The following PAN3 variants were observed in gnomAD, a reference collection of about 807,000 sequenced individuals.
The protein encoded by PAN3 is poly(A) specific ribonuclease subunit PAN3.
A neutral mutation model predicts 96.2 loss-of-function variants in PAN3; 19 were observed. That is an observed-to-expected ratio of 0.20 (90% CI 0.14 to 0.29). The LOEUF is 0.29. Among genes scored for constraint, PAN3 ranks in the 10% least tolerant of loss-of-function variants. The pLI is 1.00. For synonymous variants in PAN3, 433 were observed against 406.6 expected (o/e 1.06, Z -0.78); for missense variants, 882 against 1,108.1 (o/e 0.80, Z 2.90).
At chr13:28,141,023 G>C (rs75513404) in intron 1 of PAN3, among the ~76,000 whole-genome samples, 1 of 40,932 alleles carries the variant, frequency 2.4e-5, no homozygotes, top group African/African-American at 1.6e-4. Flanking sequence ...TTTTTTTTTT[G>C]AGACGGAGGC....
intron 6 of PAN3, among the ~76,000 whole-genome samples, chr13:28,232,821 C>T (rs1288090655): frequency 3.3e-5 from 5 of 151,900 alleles, no homozygotes; most frequent in Non-Finnish European, 4.4e-5. Flanking sequence ...TAAAGACTCC[C>T]TTTTATTATG....
In PAN3 at chr13:28,262,776, C is replaced by T. The variant is rs542145482; in HGVS notation, c.1411+1318C>T. 2.6e-5 allele frequency among the ~76,000 whole-genome samples: 4 copies of T among 152,178 alleles called. No individual in the cohort carries two copies. In the South Asian group the frequency reaches 8.3e-4, roughly 32 times the overall value. On this transcript the variant is annotated intron_variant, in intron 9 of 18. Transcript: ENST00000380958. The stretch of plus-strand genomic sequence containing the variant: ...CAGTTGCATTTCTGTAGGCCAGTAC[C>T]CAGTTAACTTCAAAATATAATTAAA...
chr13:28,248,199 C>T (rs1593556497), intron 6 of PAN3, among the ~76,000 whole-genome samples: 1 of 151,954 alleles, frequency 6.6e-6, no homozygotes, highest in Non-Finnish European at 1.5e-5. Context: ...GGATTGCTTT[C>T]TTGATTTCTT....
intron 5 of PAN3, among the ~76,000 whole-genome samples, chr13:28,205,812 G>A (rs1028615743): frequency 4.6e-5 from 7 of 150,886 alleles, no homozygotes; most frequent in Middle Eastern, 3.2e-3. Context: ...TCCAGTCTGC[G>A]TGACAGAGCA....
intron 6 of PAN3, among the ~76,000 whole-genome samples, chr13:28,228,857 T>G (rs1882262830): frequency 6.6e-6 from 1 of 152,168 alleles, no homozygotes; most frequent in South Asian, 2.1e-4. Flanking sequence ...TAAGTTAAAC[T>G]GCCCAAACAA....
At chr13:28,257,860 T>C (rs1885345585) in intron 7 of PAN3, among the ~76,000 whole-genome samples, 1 of 149,796 alleles carries the variant, frequency 6.7e-6, no homozygotes, top group Non-Finnish European at 1.5e-5. Flanking sequence ...TCACCCAGGC[T>C]GGAGGGCAGT....
intron 5 of PAN3, among the ~76,000 whole-genome samples, chr13:28,210,531 G>T (rs1474887103): frequency 1.3e-5 from 2 of 151,872 alleles, no homozygotes; most frequent in African/African-American, 2.4e-5. Flanking sequence ...GGCTTAGTTT[G>T]CTTCAGAAAG....
chr13:28,223,671 T>C (rs888853616), intron 6 of PAN3, among the ~76,000 whole-genome samples: 2 of 151,738 alleles, frequency 1.3e-5, no homozygotes, highest in African/African-American at 4.8e-5. Context: ...AACCACTGAT[T>C]TAACACAACT....
chr13:28,261,403 G>A lies in PAN3; in HGVS notation c.1356G>A (p.Glu452=). 1 of 1,601,514 alleles carries A rather than the reference G, an allele frequency of 6.2e-7. No homozygotes were observed. The highest frequency in any genetic ancestry group is 1.3e-5 in the African/African-American group (1 of 74,662). ...SFFMADELRQ[E]LINRHLITMA... ...AATATACTTATTTTGTTTCATAGGA[G>A]CTGATCAACAGACATTTAATAACAA... The change falls in exon 9 of 19, where the codon GAG becomes GAA. Residue 452 remains glutamate, a splice_region_variant and synonymous_variant. Transcript: ENST00000380958.
At chr13:28,175,715 A>G (rs907809298) in intron 2 of PAN3, among the ~76,000 whole-genome samples, 1 of 152,240 alleles carries the variant, frequency 6.6e-6, no homozygotes, top group Non-Finnish European at 1.5e-5. Flanking sequence ...TTTATGAACA[A>G]TATAACTAGT....
intron 1 of PAN3, among the ~76,000 whole-genome samples, chr13:28,169,222 CTTTTTTT>C (rs202200725): frequency 3.1e-4 from 23 of 74,984 alleles, no homozygotes; most frequent in Non-Finnish European, 3.4e-4. Flanking sequence ...TTTTTGTTTG[CTTTTTTT>C]TTTTTTTTTT....
chr13:28,266,647 TTCTGTA>T (rs1293674198), intron 9 of PAN3, 62 bp from the exon 10 acceptor site: 1 of 1,266,020 alleles, frequency 7.9e-7, no homozygotes, highest in African/African-American at 1.5e-5. Flanking sequence ...ATATCATGTC[TTCTGTA>T]TTTTTGAGAA....
At chr13:28,250,396 T>C (rs1374597911) in intron 6 of PAN3, among the ~76,000 whole-genome samples, 1 of 152,072 alleles carries the variant, frequency 6.6e-6, no homozygotes, top group Non-Finnish European at 1.5e-5. Context: ...AGACGGAGTT[T>C]CACTCTTATC....
chr13:28,140,488 G>A (rs1043419618), intron 1 of PAN3, among the ~76,000 whole-genome samples: 1 of 152,168 alleles, frequency 6.6e-6, no homozygotes, highest in African/African-American at 2.4e-5. Context: ...GAACCTGATA[G>A]GAAGTTTTAG....
At chr13:28,178,839 C>G (rs897247401) in intron 4 of PAN3, among the ~76,000 whole-genome samples, 1 of 152,030 alleles carries the variant, frequency 6.6e-6, no homozygotes, top group African/African-American at 2.4e-5. Flanking sequence ...TTCAAGAAGA[C>G]TGTGGTGGTG....
rs1566195441 is a variant in PAN3, at chr13:28,216,211, A to AGC, written c.853-4019_853-4018dup. 3.8e-4 allele frequency among the ~76,000 whole-genome samples: 57 copies of AGC among 151,720 alleles called. No homozygotes were observed. In the South Asian group the frequency reaches 7.5e-3, roughly 20 times the overall value. ...CAAAGTTTAGTGAGAAAAAAAAAAA[A>AGC]GCCAGGTAAAAAATACATATATGTG... On this transcript the variant is annotated intron_variant, in intron 5 of 18. Transcript: ENST00000380958.
In PAN3 at chr13:28,288,976, A is replaced by G. The variant is rs552253623; in HGVS notation, c.2523+854A>G. ...CAAGTAGCTGGGACTACAGGCACCCACCACCATGCCCGGCTAATTTTTTGT... is the reference window on the plus strand; with the variant it reads ...CAAGTAGCTGGGACTACAGGCACCCGCCACCATGCCCGGCTAATTTTTTGT... On this transcript the variant is annotated intron_variant, in intron 18 of 18. Coordinates refer to ENST00000380958, the MANE Select transcript of PAN3 (RefSeq NM_175854.8). Among the ~76,000 whole-genome samples, 110 of 151,780 alleles carry G rather than the reference A, an allele frequency of 7.2e-4. 1 individual carries two copies. In the South Asian group the frequency reaches 0.013, roughly 18 times the overall value.
chr13:28,196,905 A>G (rs1878125605), intron 4 of PAN3, among the ~76,000 whole-genome samples: 2 of 152,240 alleles, frequency 1.3e-5, no homozygotes, highest in Non-Finnish European at 2.9e-5. Flanking sequence ...TCTATTCATT[A>G]AGTAAAGTCG....
chr13:28,287,330 C>T (rs969320645), intron 17 of PAN3, among the ~76,000 whole-genome samples: 4 of 152,126 alleles, frequency 2.6e-5, no homozygotes, highest in Non-Finnish European at 4.4e-5. Context: ...GGAAGCAGAA[C>T]GACTTTAAAT....
Sources: allele counts gnomAD v4.1 joint callset (sites outside exome capture counted in the v4.1 genomes callset), GRCh38; gene constraint gnomAD v4.1.1; transcripts MANE v1.5; gene names NCBI Gene and HGNC (gene_info 2026-07-23, HGNC 2026-07-21).